Variants in PDE10A observed in about 807,000 individuals in gnomAD.
The protein encoded by PDE10A is cAMP and cAMP-inhibited cGMP 3',5'-cyclic phosphodiesterase 10A.
Under a neutral mutation model 97.7 loss-of-function variants are expected in PDE10A, and 39 were observed. That is an observed-to-expected ratio of 0.40 (90% CI 0.31 to 0.52). The LOEUF is 0.52. Among genes scored for constraint, PDE10A ranks in the 20% least tolerant of loss-of-function variants. The pLI is 0.56. For missense variants in PDE10A, 731 were observed against 1,047.8 expected, an observed-to-expected ratio of 0.70 and a Z score of 4.17; for synonymous variants, 371 against 376.8, an observed-to-expected ratio of 0.98 and a Z score of 0.18.
At chr6:165,428,962 T>C (rs1789360813) in intron 9 of PDE10A, among the ~76,000 whole-genome samples, 2 of 152,098 alleles carry the variant, frequency 1.3e-5, no homozygotes, top group South Asian at 4.1e-4. Flanking sequence ...ATTTATTTTA[T>C]TGATAAGTAT....
chr6:165,543,577 G>A lies in PDE10A; in HGVS notation c.866-9C>T, dbSNP rs776767119. 1 of 1,596,258 alleles carries A rather than the reference G, an allele frequency of 6.3e-7. No individual in the cohort carries two copies. Among genetic ancestry groups the A allele is most frequent in the Non-Finnish European group, 8.5e-7 (1 of 1,169,798 alleles). On this transcript the variant is annotated splice_polypyrimidine_tract_variant and intron_variant, in intron 1 of 21. Coordinates refer to ENST00000539869, the MANE Select transcript of PDE10A (RefSeq NM_001385079.1). ...TTTTTCATCTGTCAAACCTGTAAAA[G>A]AATTGAAAAGAATAAAATTCACCTA...
At chr6:165,625,627 T>C (rs1788346513) in intron 1 of PDE10A, among the ~76,000 whole-genome samples, 1 of 152,020 alleles carries the variant, frequency 6.6e-6, no homozygotes, top group Admixed American at 6.6e-5. Flanking sequence ...ATCATGAGGG[T>C]GGGTCTTTCC....
chr6:165,906,649 T>C (rs530108786), intron 1 of PDE10A, among the ~76,000 whole-genome samples: 1 of 152,302 alleles, frequency 6.6e-6, no homozygotes, highest in East Asian at 1.9e-4. Context: ...AGGGGTCCTC[T>C]GGCAGGTGCC....
Position 165,977,021 on chromosome 6 carries a change from A to ATCTC in PDE10A, c.-615+10507_-615+10508insGAGA, listed in dbSNP as rs576286894. Reference sequence around the variant, plus strand: ...AGATAGGCTGGAGCCAAATGTGAAGATAACTGAAAGTTCTCTATCTTGTTA... The same window carrying ATCTC: ...AGATAGGCTGGAGCCAAATGTGAAGATCTCTAACTGAAAGTTCTCTATCTTGTTA... On this transcript the variant is annotated intron_variant, in intron 1 of 19. Coordinates refer to the PDE10A transcript ENST00000366882. 3.7e-4 allele frequency among the ~76,000 whole-genome samples: 56 copies of ATCTC among 152,358 alleles called. No homozygotes were observed. In the East Asian group the frequency reaches 0.01, roughly 28 times the overall value.
intron 1 of PDE10A, among the ~76,000 whole-genome samples, chr6:165,943,770 T>C (rs1783665568): frequency 6.6e-6 from 1 of 152,234 alleles, no homozygotes; most frequent in South Asian, 2.1e-4. Context: ...GGAAACGTCC[T>C]CACAGACCTA....
chr6:165,502,907 C>T (rs190357517), intron 2 of PDE10A, among the ~76,000 whole-genome samples: 4 of 152,166 alleles, frequency 2.6e-5, no homozygotes, highest in South Asian at 2.1e-4. Flanking sequence ...ATGACAGAAA[C>T]GTTGATTGGG....
intron 2 of PDE10A, among the ~76,000 whole-genome samples, chr6:165,491,554 C>A (rs1780226999): frequency 6.6e-6 from 1 of 152,068 alleles, no homozygotes; most frequent in Admixed American, 6.6e-5. Flanking sequence ...CTCTCTCAGA[C>A]CATAATGGAA....
chr6:165,975,735 C>G (rs1285779285), intron 1 of PDE10A, among the ~76,000 whole-genome samples: 2 of 152,208 alleles, frequency 1.3e-5, no homozygotes, highest in African/African-American at 2.4e-5. Flanking sequence ...GTGTCCAGCA[C>G]TTAGCTTAGT....
At chr6:165,831,213 A>T (rs1377330886) in intron 1 of PDE10A, among the ~76,000 whole-genome samples, 1 of 151,506 alleles carries the variant, frequency 6.6e-6, no homozygotes, top group East Asian at 2.0e-4. Context: ...TCTACTAAAA[A>T]TACAAGAAAC....
rs796588155 is a variant in PDE10A at position 165,841,027 on chromosome 6, C to A, written c.-615+146502G>T. Among the ~76,000 whole-genome samples the A allele has an allele frequency of 5.2e-4, 79 of 152,338 alleles. 1 individual carries two copies. The highest frequency in any genetic ancestry group is 1.9e-3 in the African/African-American group (77 of 41,582). On this transcript the variant is annotated intron_variant, in intron 1 of 19. Coordinates refer to the PDE10A transcript ENST00000366882. The stretch of plus-strand genomic sequence containing the variant: ...TATTTTTAACTGAATTTAAAACCAA[C>A]AGGTTTTATTCACCTTTGTTGACAA...
At chr6:165,659,396 A>C (rs1790123051) in intron 1 of PDE10A, among the ~76,000 whole-genome samples, 1 of 152,230 alleles carries the variant, frequency 6.6e-6, no homozygotes, top group South Asian at 2.1e-4. Flanking sequence ...TAAACGATAC[A>C]TATCAGAAAA....
At chr6:165,726,986 C>G (rs375790979) in intron 1 of PDE10A, among the ~76,000 whole-genome samples, 2 of 152,342 alleles carry the variant, frequency 1.3e-5, no homozygotes, top group African/African-American at 4.8e-5. Context: ...CACAGAAACG[C>G]CCCCGTGTCC....
chr6:165,867,503 C>T (rs76725967), intron 1 of PDE10A, among the ~76,000 whole-genome samples: 1,546 of 152,016 alleles, frequency 0.01, 23 homozygotes, highest in African/African-American at 0.033. Flanking sequence ...TGTATGCACC[C>T]AACACCAGAG....
chr6:165,574,426 G>A (rs941177476), intron 1 of PDE10A, among the ~76,000 whole-genome samples: 5 of 152,146 alleles, frequency 3.3e-5, no homozygotes, highest in African/African-American at 9.7e-5. Context: ...CAGGTGAGTG[G>A]AGCTCAGTCA....
intron 5 of PDE10A, among the ~76,000 whole-genome samples, chr6:165,446,984 A>G (rs928868745): frequency 2.0e-5 from 3 of 152,184 alleles, no homozygotes; most frequent in Non-Finnish European, 4.4e-5. Flanking sequence ...AAATAATTCA[A>G]ATTGATACAT....
At chr6:165,648,826 T>A (rs992215348) in intron 1 of PDE10A, among the ~76,000 whole-genome samples, 1 of 152,190 alleles carries the variant, frequency 6.6e-6, no homozygotes, top group African/African-American at 2.4e-5. Flanking sequence ...GCAGTAATAT[T>A]ATTCACAAAG....
intron 1 of PDE10A, among the ~76,000 whole-genome samples, chr6:165,889,835 G>C (rs117431321): frequency 7.7e-6 from 1 of 129,574 alleles, no homozygotes. Context: ...CCTCCCTCTC[G>C]CCCCACTCAC....
intron 1 of PDE10A, among the ~76,000 whole-genome samples, chr6:165,772,159 G>A (rs1453217478): frequency 6.6e-6 from 1 of 152,100 alleles, no homozygotes; most frequent in Non-Finnish European, 1.5e-5. Flanking sequence ...TAGCCCCACC[G>A]GCAAGTACAA....
chr6:165,804,783 G>C (rs1583116026), intron 1 of PDE10A, among the ~76,000 whole-genome samples: 1 of 151,526 alleles, frequency 6.6e-6, no homozygotes, highest in African/African-American at 2.4e-5. Context: ...GGGACTGGGC[G>C]ACGGCCCCGG....
Sources: gnomAD v4.1 joint callset for allele counts (sites outside exome capture counted in the v4.1 genomes callset) on GRCh38, gnomAD v4.1.1 for gene constraint, MANE v1.5 for transcripts, NCBI Gene and HGNC (gene_info 2026-07-23, HGNC 2026-07-21) for gene names.